Variants in ZBTB40 observed in about 807,000 individuals in gnomAD.
ZBTB40 encodes the protein zinc finger and BTB domain-containing protein 40.
In ZBTB40, 60 loss-of-function variants were observed where a neutral mutation model predicts 117.5. That is an observed-to-expected ratio of 0.51 (90% CI 0.41 to 0.63). The LOEUF (loss-of-function observed/expected upper bound fraction) is 0.63. Among genes scored for constraint, ZBTB40 ranks in the 30% least tolerant of loss-of-function variants. ZBTB40 has a pLI of 0.00. For missense variants in ZBTB40, 1,287 were observed against 1,498.5 expected (o/e 0.86, Z 2.33); for synonymous variants, 525 against 577.1 (o/e 0.91, Z 1.29).
intron 1 of ZBTB40, among the ~76,000 whole-genome samples, chr1:22,456,034 C>T (rs1242859757): frequency 1.3e-5 from 2 of 152,056 alleles, no homozygotes; most frequent in Non-Finnish European, 2.9e-5. Flanking sequence ...GCAGAGTGAG[C>T]TCTTTGATTT....
At chr1:22,511,636 CAG>C (rs753273123) in intron 10 of ZBTB40, 38 bp from the exon 11 acceptor site, 66 of 1,599,636 alleles carry the variant, frequency 4.1e-5, no homozygotes, top group Admixed American at 1.0e-4. Flanking sequence ...AAAATAGAAA[CAG>C]AGAGTTCGCA....
chr1:22,479,507 A>T (rs561042892), intron 1 of ZBTB40, among the ~76,000 whole-genome samples: 1 of 152,152 alleles, frequency 6.6e-6, no homozygotes, highest in South Asian at 2.1e-4. Context: ...TTTTACATCT[A>T]TTATTATTAA....
At chr1:22,432,435 G>C (rs1569729949) in intron 1 of ZBTB40, among the ~76,000 whole-genome samples, 2 of 152,320 alleles carry the variant, frequency 1.3e-5, no homozygotes, top group Admixed American at 6.5e-5. Context: ...CTTTGGAGCT[G>C]CTCTATCTAA....
chr1:22,519,686 C>T, intron 13 of ZBTB40: 1 of 336,784 alleles, frequency 3.0e-6, no homozygotes, highest in Admixed American at 4.2e-5. Flanking sequence ...TGCTGGAAAT[C>T]CTCTACAGAG....
At chr1:22,512,841 C>T (rs1639277631) in intron 11 of ZBTB40, 83 bp from the exon 12 acceptor site, 1 of 1,506,474 alleles carries the variant, frequency 6.6e-7, no homozygotes, top group Non-Finnish European at 9.2e-7. Flanking sequence ...TGGGCTGAGA[C>T]AGTGCTCTTG....
rs1639749970 is a variant in ZBTB40, at chr1:22,528,703, T to C, written c.*2307T>C. 1.1e-4 allele frequency: 6 copies of C among 56,384 alleles called. No individual in the cohort carries two copies. In the Admixed American group the frequency reaches 1.8e-3, roughly 16 times the overall value. 3.5% of individuals were successfully genotyped at this position (56,384 alleles called of 1,614,324 possible). A position where few individuals can be genotyped will look rare whatever the true frequency, so the allele number is the denominator to read the frequency against. Reference sequence around the variant, plus strand: ...CACCACTGCTGGCCAGTTTTTGTATTTTTTTTTTTTTTTGTAGAGACAGGG... The same window carrying C: ...CACCACTGCTGGCCAGTTTTTGTATCTTTTTTTTTTTTTGTAGAGACAGGG... On this transcript the variant is annotated 3_prime_UTR_variant, in exon 18 of 18. Coordinates refer to ENST00000375647, the MANE Select transcript of ZBTB40 (RefSeq NM_014870.4).
Position 22,511,028 on chromosome 1 carries a change from A to G in ZBTB40, c.1834-151A>G, listed in dbSNP as rs746167916. ...TGTTCTTTGGCAAACAGAGCTGTCC[A>G]CTACATTTATCACAAGGCGATGTAT... On this transcript the variant is annotated intron_variant, in intron 9 of 17. Transcript: ENST00000375647. The G allele has an allele frequency of 4.1e-6, 4 of 969,160 alleles. No homozygotes were observed. The South Asian group carries it at 4.4e-5, about 11-fold the overall frequency. The allele number at this position is 969,160 out of a possible 1,614,324, so 60.0% of individuals were successfully genotyped here.
At chr1:22,444,035 C>T (rs1043187847) in intron 1 of ZBTB40, among the ~76,000 whole-genome samples, 6 of 152,070 alleles carry the variant, frequency 3.9e-5, no homozygotes, top group Admixed American at 2.6e-4. Flanking sequence ...CAGACATAAG[C>T]GGGGCAGGAG....
At chr1:22,466,474 G>T (rs1372996092) in intron 1 of ZBTB40, among the ~76,000 whole-genome samples, 1 of 152,048 alleles carries the variant, frequency 6.6e-6, no homozygotes, top group Non-Finnish European at 1.5e-5. Flanking sequence ...TTTTCCACAG[G>T]GGTGGCACCA....
chr1:22,435,390 C>T (rs1640656519), intron 1 of ZBTB40, among the ~76,000 whole-genome samples: 1 of 152,138 alleles, frequency 6.6e-6, no homozygotes, highest in Non-Finnish European at 1.5e-5. Context: ...TTTTTCTCTT[C>T]TAACTGGTTT....
chr1:22,476,358 A>G (rs1641548632), intron 1 of ZBTB40, among the ~76,000 whole-genome samples: 1 of 152,054 alleles, frequency 6.6e-6, no homozygotes, highest in Non-Finnish European at 1.5e-5. Flanking sequence ...AGCTGAGACT[A>G]CAGTCACATG....
chr1:22,469,912 G>T (rs1641360295), intron 1 of ZBTB40, among the ~76,000 whole-genome samples: 1 of 152,168 alleles, frequency 6.6e-6, no homozygotes, highest in South Asian at 2.1e-4. Flanking sequence ...GCAGTTTTAT[G>T]ACTTAAAGAT....
chr1:22,526,118 T>G lies in ZBTB40; in HGVS notation c.3526-84T>G, dbSNP rs1372231766. On this transcript the variant is annotated intron_variant, in intron 17 of 17. Transcript: ENST00000375647. ...TCAGGTGAAAACATAAATATCATCA[T>G]TACAGCATGAGATGAAAACCATGTA... The G allele has an allele frequency of 2.7e-6, 4 of 1,500,730 alleles. No individual in the cohort carries two copies. The African/African-American group carries it at 5.5e-5, about 21-fold the overall frequency. 93.0% of individuals were successfully genotyped at this position (1,500,730 alleles called of 1,614,324 possible). A position where few individuals can be genotyped will look rare whatever the true frequency, so the allele number is the denominator to read the frequency against.
chr1:22,458,475 C>G (rs1033256930), intron 1 of ZBTB40, among the ~76,000 whole-genome samples: 1 of 152,204 alleles, frequency 6.6e-6, no homozygotes, highest in Non-Finnish European at 1.5e-5. Context: ...CAAGGCTGCT[C>G]CCTCTCCCTG....
At chr1:22,455,326 C>T (rs1640979225) in intron 1 of ZBTB40, among the ~76,000 whole-genome samples, 1 of 152,106 alleles carries the variant, frequency 6.6e-6, no homozygotes, top group Non-Finnish European at 1.5e-5. Context: ...AAATGGCAGG[C>T]TTTTTGACTA....
chr1:22,431,736 C>CAA (rs60274075), intron 1 of ZBTB40, among the ~76,000 whole-genome samples: 18 of 148,366 alleles, frequency 1.2e-4, no homozygotes, highest in Admixed American at 3.3e-4. Flanking sequence ...AATGCCATCT[C>CAA]AAAAAAAAAA....
upstream of ZBTB40, among the ~76,000 whole-genome samples, chr1:22,447,300 C>CA (rs1326876530): frequency 2.6e-5 from 4 of 152,004 alleles, no homozygotes; most frequent in African/African-American, 9.7e-5. Flanking sequence ...AAAGTGGTTG[C>CA]AGGGGGAGGG....
chr1:22,508,401 G>C, intron 7 of ZBTB40, 129 bp from the exon 8 acceptor site: 1 of 1,137,720 alleles, frequency 8.8e-7, no homozygotes, highest in Non-Finnish European at 1.3e-6. Context: ...CTCAGACTGA[G>C]AGGTGAGGAT....
intron 15 of ZBTB40, 69 bp from the exon 16 acceptor site, chr1:22,522,308 T>G: frequency 6.7e-7 from 1 of 1,499,806 alleles, no homozygotes; most frequent in Non-Finnish European, 9.3e-7. Flanking sequence ...CCCAGCCCTG[T>G]TACTCTTCAG....
Sources: gnomAD v4.1 joint callset for allele counts (sites outside exome capture counted in the v4.1 genomes callset) on GRCh38, gnomAD v4.1.1 for gene constraint, MANE v1.5 for transcripts, NCBI Gene and HGNC (gene_info 2026-07-23, HGNC 2026-07-21) for gene names.